Variants in CRACD observed in about 807,000 individuals in gnomAD.
CRACD encodes capping protein-inhibiting regulator of actin dynamics.
A neutral mutation model predicts 106.8 loss-of-function variants in CRACD; 56 were observed. The observed-to-expected ratio is 0.52, with a 90% CI of 0.42 to 0.66. The LOEUF (loss-of-function observed/expected upper bound fraction) is 0.66, where lower values mean the gene tolerates loss of function less well. CRACD is among the 30% of genes least tolerant of loss of function. The pLI, the probability that CRACD is intolerant of heterozygous loss-of-function variation, is 0.00. For synonymous variants in CRACD, 754 were observed against 670.8 expected (o/e 1.12, Z -1.92); for missense variants, 1,730 against 1,623.2 (o/e 1.07, Z -1.13).
chr4:56,140,847 G>C (rs1328303789), intron 1 of CRACD, among the ~76,000 whole-genome samples: 1 of 152,146 alleles, frequency 6.6e-6, no homozygotes, highest in Non-Finnish European at 1.5e-5. Flanking sequence ...CCATAATGCA[G>C]TCCCAGCAAA....
intron 1 of CRACD, among the ~76,000 whole-genome samples, chr4:56,084,669 CAG>C (rs1471190659): frequency 6.6e-6 from 1 of 152,156 alleles, no homozygotes; most frequent in East Asian, 1.9e-4. Context: ...TTTATAAAGA[CAG>C]ATAAATTATC....
intron 2 of CRACD, among the ~76,000 whole-genome samples, chr4:56,257,036 G>A (rs965204719): frequency 6.7e-6 from 1 of 149,764 alleles, no homozygotes; most frequent in African/African-American, 2.5e-5. Flanking sequence ...AGCAGGCTCT[G>A]AAAGAAATGG....
intron 1 of CRACD, among the ~76,000 whole-genome samples, chr4:56,051,128 T>G (rs1048600098): frequency 2.0e-5 from 3 of 152,236 alleles, no homozygotes; most frequent in Non-Finnish European, 4.4e-5. Flanking sequence ...AGGGACAATC[T>G]TTTAGTCTTT....
At chr4:56,059,921 T>G (rs1732214631) in intron 1 of CRACD, among the ~76,000 whole-genome samples, 1 of 152,208 alleles carries the variant, frequency 6.6e-6, no homozygotes, top group African/African-American at 2.4e-5. Flanking sequence ...TGGTTTCATG[T>G]GATCCACTTG....
intron 1 of CRACD, among the ~76,000 whole-genome samples, chr4:56,082,620 C>G (rs749192553): frequency 6.6e-6 from 1 of 152,010 alleles, no homozygotes; most frequent in Non-Finnish European, 1.5e-5. Context: ...AAACAGAACT[C>G]AAAGATGACT....
At chr4:56,091,665 C>CAG (rs2109820953) in intron 1 of CRACD, among the ~76,000 whole-genome samples, 1 of 152,240 alleles carries the variant, frequency 6.6e-6, no homozygotes, top group East Asian at 1.9e-4. Context: ...CTGCCATTGT[C>CAG]ATGTGCTCTG....
chr4:56,062,749 T>G (rs1577938235), intron 1 of CRACD, among the ~76,000 whole-genome samples: 1 of 152,244 alleles, frequency 6.6e-6, no homozygotes, highest in Non-Finnish European at 1.5e-5. Context: ...TAGCCCTGAC[T>G]GAATTATTTA....
intron 2 of CRACD, among the ~76,000 whole-genome samples, chr4:56,204,170 G>A (rs1425736391): frequency 2.0e-5 from 3 of 152,162 alleles, no homozygotes; most frequent in Admixed American, 6.5e-5. Context: ...CCACACAATC[G>A]CCTTGAGCAA....
chr4:56,327,522 G>T (rs1390957305), intron 10 of CRACD, 122 bp from the exon 11 acceptor site: 1 of 842,648 alleles, frequency 1.2e-6, no homozygotes, highest in Non-Finnish European at 1.9e-6. Context: ...TCAAAACAAT[G>T]TTGTACATGA....
rs1744813040 is a variant in CRACD, at chr4:56,307,538, C to T, written c.124C>T (p.Gln42Ter). Reference protein sequence around the residue: ...ILGKVKTLQQQLGKNIKFGQR... With the variant: ...ILGKVKTLQQ ...TCTTTCTTCTGTTTCTCTCCAGCAA[C>T]AGTTGGGCAAGAATATCAAGTTTGG... is the stretch of plus-strand genomic sequence containing the variant. The change falls in exon 5 of 11, where the codon CAG becomes TAG. Residue 42 changes from glutamine to a stop codon, truncating the protein, a stop_gained. Transcript: ENST00000682029. LOFTEE classifies it high-confidence loss of function. 1 of 1,614,016 alleles carries T rather than the reference C, an allele frequency of 6.2e-7. No individual in the cohort carries two copies. Among genetic ancestry groups the T allele is most frequent in the Non-Finnish European group, 8.5e-7 (1 of 1,179,974 alleles).
chr4:56,144,200 A>G (rs1735301782), intron 1 of CRACD, among the ~76,000 whole-genome samples: 2 of 152,182 alleles, frequency 1.3e-5, no homozygotes, highest in African/African-American at 2.4e-5. Flanking sequence ...AAAGTGGAGA[A>G]GGGGGGAGAG....
At chr4:56,079,715 G>A (rs544768315) in intron 1 of CRACD, among the ~76,000 whole-genome samples, 1 of 152,236 alleles carries the variant, frequency 6.6e-6, no homozygotes, top group East Asian at 1.9e-4. Flanking sequence ...CTCCCAAAGT[G>A]CCAAAGTGCA....
intron 3 of CRACD, among the ~76,000 whole-genome samples, chr4:56,273,099 G>A (rs558086287): frequency 1.2e-3 from 177 of 152,194 alleles, no homozygotes; most frequent in African/African-American, 4.1e-3. Context: ...GGCTCACCAG[G>A]GTTCCTCAGA....
At chr4:56,278,630 G>A (rs1175424059) in intron 3 of CRACD, among the ~76,000 whole-genome samples, 1 of 152,022 alleles carries the variant, frequency 6.6e-6, no homozygotes, top group Admixed American at 6.6e-5. Flanking sequence ...GTGACAAAAG[G>A]AAAAACAGAA....
intron 2 of CRACD, among the ~76,000 whole-genome samples, chr4:56,259,857 G>A (rs1263107001): frequency 6.6e-6 from 1 of 152,154 alleles, no homozygotes; most frequent in South Asian, 2.1e-4. Context: ...GTGAGGTAGA[G>A]CATGTCTAGA....
rs111760268 is a variant in CRACD, at chr4:56,199,116, C to T, written c.-189+19686C>T. Among the ~76,000 whole-genome samples, 677 of 152,044 alleles carry T rather than the reference C, an allele frequency of 4.5e-3. 6 individuals carry two copies. Among genetic ancestry groups the T allele is most frequent in the Non-Finnish European group, 5.6e-3 (378 of 68,002 alleles). On this transcript the variant is annotated intron_variant, in intron 2 of 10. Transcript: ENST00000682029. ...CACGAGTTCTTTAGGAGTGGTCTTGCCTGATACATATGTGTCACAGGTGTT... is the reference window on the plus strand; with the variant it reads ...CACGAGTTCTTTAGGAGTGGTCTTGTCTGATACATATGTGTCACAGGTGTT...
In CRACD at chr4:56,230,184, G is replaced by A. The variant is rs147059242; in HGVS notation, c.-188-42137G>A. Among the ~76,000 whole-genome samples, 168 of 152,186 alleles carry A rather than the reference G, an allele frequency of 1.1e-3. 1 individual carries two copies. The highest frequency in any genetic ancestry group is 3.9e-3 in the African/African-American group (161 of 41,508). ...CTTTGTGGTTTTAAGTCCATTACATGCCCCAGCTGCTTTACTGTTTGACAT... is the reference window on the plus strand; with the variant it reads ...CTTTGTGGTTTTAAGTCCATTACATACCCCAGCTGCTTTACTGTTTGACAT... On this transcript the variant is annotated intron_variant, in intron 2 of 10. Transcript: ENST00000682029.
chr4:56,316,457 G>A lies in CRACD; in HGVS notation c.2955G>A (p.Leu985=), dbSNP rs367692778. 4.0e-4 allele frequency: 642 copies of A among 1,613,958 alleles called. No homozygotes were observed. The highest frequency in any genetic ancestry group is 5.1e-4 in the Non-Finnish European group (607 of 1,179,920). Residue 985 remains leucine (L), a synonymous_variant, in exon 8 of 11, where the codon TTG becomes TTA. Coordinates refer to ENST00000682029, the MANE Select transcript of CRACD (RefSeq NM_001393381.1). ...SPLSKLSRPY[L]VELLSRRAGR... ...TTTCCAAACTGAGCAGGCCCTACTT[G>A]GTAGAGCTGCTGTCTCGCCGAGCGG... is the stretch of plus-strand genomic sequence containing the variant.
At chr4:56,199,319 G>T (rs1188303419) in intron 2 of CRACD, among the ~76,000 whole-genome samples, 1 of 152,164 alleles carries the variant, frequency 6.6e-6, no homozygotes, top group Non-Finnish European at 1.5e-5. Context: ...TGGTTATATA[G>T]ATATTTTCAC....
Sources: allele counts gnomAD v4.1 joint callset (sites outside exome capture counted in the v4.1 genomes callset), GRCh38; gene constraint gnomAD v4.1.1; transcripts MANE v1.5; gene names NCBI Gene and HGNC (gene_info 2026-07-23, HGNC 2026-07-21).